Variants in CYRIA observed in about 807,000 individuals in gnomAD.
CYRIA encodes CYFIP-related Rac1 interactor A.
CYRIA carries 15 observed loss-of-function variants against 43.9 expected under a neutral mutation model. The ratio of observed to expected loss-of-function variants is 0.34; its 90% CI spans 0.23 to 0.53. The LOEUF (loss-of-function observed/expected upper bound fraction) is 0.53, where lower values mean the gene tolerates loss of function less well. Among genes scored for constraint, CYRIA ranks in the 20% least tolerant of loss-of-function variants. The probability of loss-of-function intolerance (pLI) is 0.94; values close to 1 mark genes in which losing one functional copy is unlikely to be tolerated. For missense variants in CYRIA, 236 were observed against 394.2 expected, an observed-to-expected ratio of 0.60 and a Z score of 3.40; for synonymous variants, 117 against 136.0, an observed-to-expected ratio of 0.86 and a Z score of 0.97.
chr2:16,578,719 T>A (rs2103442118), intron 3 of CYRIA, among the ~76,000 whole-genome samples: 1 of 152,086 alleles, frequency 6.6e-6, no homozygotes, highest in East Asian at 1.9e-4. Flanking sequence ...TTATACAAAC[T>A]GTATACAAAG....
At position 16,570,592 on chromosome 2, in the gene CYRIA, G is replaced by A. The variant is rs115570785; in HGVS notation, c.71-4825C>T. Among the ~76,000 whole-genome samples the A allele has an allele frequency of 9.0e-3, 1,373 of 152,298 alleles. 9 individuals are homozygous for A. The highest frequency in any genetic ancestry group is 0.013 in the Non-Finnish European group (872 of 68,022). On this transcript the variant is annotated intron_variant, in intron 3 of 11. Coordinates refer to ENST00000381323, the MANE Select transcript of CYRIA (RefSeq NM_030797.4). Reference sequence around the variant, plus strand: ...GAAATTTATTGTGTTTTCAGATGTCGTGGAAAGACATCTTGAAAGGAACCC... The same window carrying A: ...GAAATTTATTGTGTTTTCAGATGTCATGGAAAGACATCTTGAAAGGAACCC...
At chr2:16,626,468 CT>C (rs1177777125) in intron 1 of CYRIA, among the ~76,000 whole-genome samples, 1 of 152,202 alleles carries the variant, frequency 6.6e-6, no homozygotes, top group African/African-American at 2.4e-5. Context: ...CTTCTCCCAC[CT>C]TACAGATGCA....
chr2:16,577,936 C>A (rs1490837487), intron 3 of CYRIA, among the ~76,000 whole-genome samples: 2 of 152,204 alleles, frequency 1.3e-5, no homozygotes, highest in Non-Finnish European at 2.9e-5. Flanking sequence ...CTAGGGCCCA[C>A]CATGCCAGGC....
chr2:16,615,299 C>T (rs2103497460), intron 2 of CYRIA, among the ~76,000 whole-genome samples: 1 of 152,356 alleles, frequency 6.6e-6, no homozygotes, highest in South Asian at 2.1e-4. Flanking sequence ...ATCCCCTTCT[C>T]TTCTGCCTCC....
intron 1 of CYRIA, among the ~76,000 whole-genome samples, chr2:16,633,369 C>G (rs1669385605): frequency 6.6e-6 from 1 of 151,900 alleles, no homozygotes. Flanking sequence ...TCTGTCTGTG[C>G]CACTCAGCAT....
chr2:16,565,207 C>G (rs555508308), intron 4 of CYRIA, among the ~76,000 whole-genome samples: 115 of 147,466 alleles, frequency 7.8e-4, no homozygotes, highest in Middle Eastern at 7.0e-3. Context: ...CAGAGTTTCA[C>G]TCTTGTTGCC....
In CYRIA at chr2:16,611,075, C is replaced by A. The variant is rs1668583233; in HGVS notation, c.-11+12789G>T. Among the ~76,000 whole-genome samples, 4 of 151,754 alleles carry A rather than the reference C, an allele frequency of 2.6e-5. No homozygotes were observed. The South Asian group carries it at 8.3e-4, about 31-fold the overall frequency. ...TTAATACAGCATTGAAATCTGGTGA[C>A]TAGGCCGGGGGCCGTGGCTCACGCC... On this transcript the variant is annotated intron_variant, in intron 2 of 11. Transcript: ENST00000381323.
chr2:16,551,579 G>C lies in CYRIA; in HGVS notation c.*1357C>G, dbSNP rs1344553229. 1 of 152,140 alleles carries C rather than the reference G, an allele frequency of 6.6e-6. No homozygotes were observed. The highest frequency in any genetic ancestry group is 1.5e-5 in the Non-Finnish European group (1 of 68,020). The allele number at this position is 152,140 out of a possible 1,614,324, so 9.4% of individuals were successfully genotyped here. ...ATTTTTCCTTAGGAGGTCAGAATCA[G>C]AGATTTTCATGATTCCATTCGAACT... On this transcript the variant is annotated 3_prime_UTR_variant, in exon 12 of 12. Coordinates refer to ENST00000381323, the MANE Select transcript of CYRIA (RefSeq NM_030797.4).
At chr2:16,565,571 G>A (rs1666898645) in intron 4 of CYRIA, 75 bp downstream of exon 4, 1 of 1,408,372 alleles carries the variant, frequency 7.1e-7, no homozygotes, top group Non-Finnish European at 9.5e-7. Flanking sequence ...TAATCTTGCT[G>A]TGTGTGTCTG....
At chr2:16,657,561 G>T (rs1412753891) in intron 1 of CYRIA, among the ~76,000 whole-genome samples, 1 of 151,586 alleles carries the variant, frequency 6.6e-6, no homozygotes, top group Non-Finnish European at 1.5e-5. Flanking sequence ...TATAAAAATG[G>T]CCACTAATGC....
At chr2:16,605,795 T>A (rs776425395) in intron 2 of CYRIA, among the ~76,000 whole-genome samples, 2 of 152,196 alleles carry the variant, frequency 1.3e-5, no homozygotes, top group African/African-American at 4.8e-5. Context: ...CATTCTCAAG[T>A]ATTTAAATAA....
intron 1 of CYRIA, among the ~76,000 whole-genome samples, chr2:16,632,704 A>G (rs1669365855): frequency 6.6e-6 from 1 of 152,136 alleles, no homozygotes; most frequent in Non-Finnish European, 1.5e-5. Flanking sequence ...AGTCCATAGG[A>G]TGAGGAATGA....
At chr2:16,633,557 TTTTTTTTTTTTTTTTC>T (rs1339527002) in intron 1 of CYRIA, among the ~76,000 whole-genome samples, 3 of 99,358 alleles carry the variant, frequency 3.0e-5, no homozygotes, top group Non-Finnish European at 5.4e-5. Context: ...TTTTTTTTTT[TTTTTTTTTTTTTTTTC>T]TGTAGAGAAG....
intron 11 of CYRIA, 148 bp downstream of exon 11, chr2:16,554,921 G>A: frequency 3.7e-6 from 2 of 543,056 alleles, no homozygotes; most frequent in Middle Eastern, 2.7e-4. Flanking sequence ...TGATAAAAAT[G>A]GTGCTGACCT....
chr2:16,588,953 C>T (rs1667829881), intron 2 of CYRIA, among the ~76,000 whole-genome samples: 1 of 152,118 alleles, frequency 6.6e-6, no homozygotes, highest in Non-Finnish European at 1.5e-5. Context: ...TATCAGCAGT[C>T]TCAACCTAAT....
chr2:16,656,400 T>A (rs748156069), intron 1 of CYRIA, among the ~76,000 whole-genome samples: 5 of 152,172 alleles, frequency 3.3e-5, no homozygotes, highest in Admixed American at 6.5e-5. Flanking sequence ...CTCTCTAGTT[T>A]CTAAGGGCCA....
At chr2:16,641,717 G>A (rs775001132) in intron 1 of CYRIA, among the ~76,000 whole-genome samples, 4 of 152,200 alleles carry the variant, frequency 2.6e-5, no homozygotes, top group Admixed American at 6.5e-5. Flanking sequence ...GTGCCTGCAG[G>A]ATGGCAGACA....
intron 1 of CYRIA, among the ~76,000 whole-genome samples, chr2:16,624,298 C>T (rs1669091985): frequency 1.3e-5 from 2 of 152,210 alleles, no homozygotes; most frequent in African/African-American, 4.8e-5. Flanking sequence ...TTTTTAAATG[C>T]AGCCACATGG....
chr2:16,588,412 A>G (rs941849186), intron 2 of CYRIA, among the ~76,000 whole-genome samples: 4 of 151,262 alleles, frequency 2.6e-5, no homozygotes, highest in Admixed American at 6.6e-5. Context: ...CCTGCAGTCC[A>G]TATCTCGTTC....
Sources: allele counts gnomAD v4.1 joint callset (sites outside exome capture counted in the v4.1 genomes callset), GRCh38; gene constraint gnomAD v4.1.1; transcripts MANE v1.5; gene names NCBI Gene and HGNC (gene_info 2026-07-23, HGNC 2026-07-21).